SGK2: variants seen among roughly 807,000 people sequenced by gnomAD.
SGK2 encodes serine/threonine-protein kinase Sgk2.
SGK2 carries 36 observed loss-of-function variants against 47.5 expected under a neutral mutation model. That is an observed-to-expected ratio of 0.76 (90% confidence interval 0.58 to 1.00). The LOEUF (loss-of-function observed/expected upper bound fraction) is 1.00, where lower values mean the gene tolerates loss of function less well. Ranked by LOEUF, SGK2 falls within the 50% of genes least tolerant of loss-of-function variation. SGK2 has a pLI of 0.00. For synonymous variants in SGK2, 157 were observed against 181.9 expected (o/e 0.86, Z 1.10); for missense variants, 404 against 467.4 (o/e 0.86, Z 1.25).
At chr20:43,571,999 C>A in intron 8 of SGK2, 52 bp from the exon 9 acceptor site, 2 of 1,346,006 alleles carry the variant, frequency 1.5e-6, no homozygotes, top group Non-Finnish European at 2.1e-6. Context: ...TTAGGCCTGG[C>A]CATACCCTTG....
intron 5 of SGK2, among the ~76,000 whole-genome samples, chr20:43,569,170 C>T (rs1979937804): frequency 6.6e-6 from 1 of 152,120 alleles, no homozygotes; most frequent in Non-Finnish European, 1.5e-5. Flanking sequence ...CATGAACTAG[C>T]TTAGGATGAG....
intron 11 of SGK2, among the ~76,000 whole-genome samples, chr20:43,577,879 A>G (rs920772259): frequency 3.3e-5 from 5 of 151,506 alleles, no homozygotes; most frequent in African/African-American, 7.3e-5. Context: ...GCCTGACCTC[A>G]AGTGATCTGC....
rs773771982 is a variant in SGK2 at position 43,568,012 on chromosome 20, G to A, written c.228+13G>A. 4.3e-6 allele frequency: 7 copies of A among 1,609,766 alleles called. No homozygotes were observed. Among genetic ancestry groups the A allele is most frequent in the South Asian group, 3.3e-5 (3 of 90,948 alleles). Reference sequence around the variant, plus strand: ...AAAGAAGAAAGAGGTACCAGAGCTCGGGCACAGGCATTTCTTCTTCTGCTT... The same window carrying A: ...AAAGAAGAAAGAGGTACCAGAGCTCAGGCACAGGCATTTCTTCTTCTGCTT... On this transcript the variant is annotated intron_variant, in intron 5 of 12. Coordinates refer to ENST00000373100, the MANE Select transcript of SGK2 (RefSeq NM_170693.3).
In SGK2 at chr20:43,567,902, A is replaced by G. The variant is rs950002141; in HGVS notation, c.145-14A>G. ...AAGTCACCTACAGGGCCTCAAATTC[A>G]TGTTTCTTCTCAGGTCCTACTGGCC... On this transcript the variant is annotated splice_polypyrimidine_tract_variant and intron_variant, in intron 4 of 12. Coordinates refer to ENST00000373100, the MANE Select transcript of SGK2 (RefSeq NM_170693.3). 6.2e-7 allele frequency: 1 copy of G among 1,613,276 alleles called. No homozygotes were observed. Among genetic ancestry groups the G allele is most frequent in the African/African-American group, 1.3e-5 (1 of 75,010 alleles).
intron 5 of SGK2, among the ~76,000 whole-genome samples, chr20:43,569,180 G>A (rs964085934): frequency 1.3e-5 from 2 of 152,158 alleles, no homozygotes; most frequent in African/African-American, 4.8e-5. Context: ...CTTAGGATGA[G>A]GCTGACCACC....
At chr20:43,559,611 A>C (rs1244899391) in intron 1 of SGK2, among the ~76,000 whole-genome samples, 2 of 152,208 alleles carry the variant, frequency 1.3e-5, no homozygotes, top group Non-Finnish European at 2.9e-5. Flanking sequence ...GGAACAAAAT[A>C]AGATCAAGTT....
In SGK2 at chr20:43,584,883, C is replaced by T; in HGVS notation, c.971C>T (p.Pro324Leu). The T allele has an allele frequency of 6.8e-6, 11 of 1,614,008 alleles. No individual in the cohort carries two copies. The highest frequency in any genetic ancestry group is 9.3e-6 in the Non-Finnish European group (11 of 1,179,946). The change falls in exon 13 of 13, where the codon CCA becomes CTA. Residue 324 changes from proline (P) to leucine (L), a missense_variant. Transcript: ENST00000373100. ...TGPADLKHFD[P>L]EFTQEAVSKS... ...CCTGCTGACTTGAAGCATTTTGACC[C>T]AGAGTTCACCCAGGAAGCTGTGTCC...
chr20:43,561,551 A>G (rs777341342), intron 1 of SGK2, among the ~76,000 whole-genome samples: 1 of 151,868 alleles, frequency 6.6e-6, no homozygotes, highest in Non-Finnish European at 1.5e-5. Context: ...CACCACGCCC[A>G]GCTAATTTTT....
At chr20:43,560,650 C>G (rs776062010) in intron 1 of SGK2, among the ~76,000 whole-genome samples, 1 of 152,184 alleles carries the variant, frequency 6.6e-6, no homozygotes, top group Non-Finnish European at 1.5e-5. Context: ...GGTACCCCTA[C>G]AACACCTACT....
In SGK2 at chr20:43,570,636, G is replaced by T; in HGVS notation, c.380G>T (p.Arg127Leu). Reference sequence around the variant, plus strand: ...CTCCAGCTCTTCTTCCACCTGCAGCGGGAGCGCCGGTTCCTGGAGCCCCGG... The same window carrying T: ...CTCCAGCTCTTCTTCCACCTGCAGCTGGAGCGCCGGTTCCTGGAGCCCCGG... The part of the protein sequence containing the change: ...NGGELFFHLQ[R>L]ERRFLEPRAR... Residue 127 changes from arginine to leucine, a missense_variant, in exon 7 of 13, where the codon CGG (arginine) becomes CTG (leucine). Transcript: ENST00000373100. The T allele has an allele frequency of 9.3e-6, 15 of 1,609,476 alleles. No individual in the cohort carries two copies. The highest frequency in any genetic ancestry group is 1.2e-5 in the Non-Finnish European group (14 of 1,176,950).
intron 10 of SGK2, 92 bp from the exon 11 acceptor site, chr20:43,576,132 A>G: frequency 5.4e-6 from 8 of 1,484,942 alleles, no homozygotes; most frequent in Non-Finnish European, 7.4e-6. Flanking sequence ...GTCATACTGA[A>G]TCCTCCCAGC....
chr20:43,569,534 G>A lies in SGK2; in HGVS notation c.360+18G>A, dbSNP rs747807943. ...GGGGAGAGGTGGGTGGGCCCACAGG[G>A]AGGCTTCCCTGGGCTGGCTCTCGGC... On this transcript the variant is annotated intron_variant, in intron 6 of 12. Transcript: ENST00000373100. 7 of 1,610,940 alleles carry A rather than the reference G, an allele frequency of 4.3e-6. No individual in the cohort carries two copies. In the Admixed American group the frequency reaches 6.7e-5, roughly 15 times the overall value.
intron 11 of SGK2, among the ~76,000 whole-genome samples, chr20:43,579,707 G>A (rs1980671970): frequency 6.6e-6 from 1 of 152,196 alleles, no homozygotes; most frequent in African/African-American, 2.4e-5. Flanking sequence ...CCAAAGCCTA[G>A]CAAAGGGTCG....
chr20:43,568,804 G>A (rs180805490), intron 5 of SGK2, among the ~76,000 whole-genome samples: 83 of 152,288 alleles, frequency 5.5e-4, no homozygotes, highest in Non-Finnish European at 1.0e-3. Flanking sequence ...CAGCTGACCT[G>A]AGTTCCTTTA....
At position 43,571,048 on chromosome 20, in the gene SGK2, C is replaced by A. The variant is rs201156038; in HGVS notation, c.498C>A (p.Leu166=). Residue 166 remains leucine, a synonymous_variant, in exon 8 of 13, where the codon CTC becomes CTA. Coordinates refer to ENST00000373100, the MANE Select transcript of SGK2 (RefSeq NM_170693.3). ...IYRDLKPENI[L]LDCQGHVVLT... is the part of the protein sequence containing the mutation. ...GGGATCTGAAACCAGAGAACATTCT[C>A]TTGGACTGCCAGGTTGGTGTGTGTG... is the stretch of plus-strand genomic sequence containing the variant. The A allele has an allele frequency of 1.2e-6, 2 of 1,605,410 alleles. No individual in the cohort carries two copies. Among genetic ancestry groups the A allele is most frequent in the Non-Finnish European group, 1.7e-6 (2 of 1,177,850 alleles).
At chr20:43,580,098 GGGCT>G in intron 12 of SGK2, 37 bp downstream of exon 12, 1 of 1,367,408 alleles carries the variant, frequency 7.3e-7, no homozygotes, top group East Asian at 2.4e-5. Context: ...TGGATTTCCG[GGGCT>G]GGGGGAGCTT....
chr20:43,568,866 G>A (rs1979908785), intron 5 of SGK2, among the ~76,000 whole-genome samples: 1 of 152,158 alleles, frequency 6.6e-6, no homozygotes, highest in East Asian at 1.9e-4. Flanking sequence ...GGATTGCATA[G>A]GAGGTTGGGG....
chr20:43,562,781 A>G (rs1051186543), intron 1 of SGK2, among the ~76,000 whole-genome samples: 3 of 152,146 alleles, frequency 2.0e-5, no homozygotes, highest in African/African-American at 4.8e-5. Flanking sequence ...GCCTCTAGAC[A>G]TCTGACTAGT....
In SGK2 at chr20:43,567,923, T is replaced by A. The variant is rs1339072022; in HGVS notation, c.152T>A (p.Leu51Gln). The A allele has an allele frequency of 6.2e-7, 1 of 1,614,024 alleles. No individual in the cohort carries two copies. Among genetic ancestry groups the A allele is most frequent in the Non-Finnish European group, 8.5e-7 (1 of 1,179,968 alleles). Residue 51 changes from leucine (L) to glutamine (Q), a missense_variant, in exon 5 of 13, where the codon CTG becomes CAG. Leu to Gln is a moderately radical substitution (Grantham distance 113). Transcript: ENST00000373100. ...IGKGNYGKVL[L>Q]AKRKSDGAFY... is the part of the protein sequence containing the mutation. ...ATTCATGTTTCTTCTCAGGTCCTACTGGCCAAGCGCAAGTCTGATGGGGCG... is the reference window on the plus strand; with the variant it reads ...ATTCATGTTTCTTCTCAGGTCCTACAGGCCAAGCGCAAGTCTGATGGGGCG...
Sources: allele counts gnomAD v4.1 joint callset (sites outside exome capture counted in the v4.1 genomes callset), GRCh38; gene constraint gnomAD v4.1.1; transcripts MANE v1.5; gene names NCBI Gene and HGNC (gene_info 2026-07-23, HGNC 2026-07-21).